FANCG: variants seen among roughly 807,000 people sequenced by gnomAD.
FANCG encodes Fanconi anemia group G protein.
A neutral mutation model predicts 73.3 loss-of-function variants in FANCG; 67 were observed. That is an observed-to-expected ratio of 0.91 (90% CI 0.75 to 1.12). The LOEUF is 1.12. FANCG is among the 50% of genes most tolerant of loss of function. The probability of loss-of-function intolerance (pLI) is 0.00; values close to 1 mark genes in which losing one functional copy is unlikely to be tolerated. For synonymous variants in FANCG, 297 were observed against 311.6 expected, an observed-to-expected ratio of 0.95 and a Z score of 0.49; for missense variants, 643 against 735.6, an observed-to-expected ratio of 0.87 and a Z score of 1.46.
In FANCG at chr9:35,078,264, G is replaced by C. The variant is rs1419629240; in HGVS notation, c.387C>G (p.Ser129=). 2 of 1,614,162 alleles carry C rather than the reference G, an allele frequency of 1.2e-6. No homozygotes were observed. The highest frequency in any genetic ancestry group is 3.3e-5 in the Admixed American group (2 of 60,024). Reference sequence around the variant, plus strand: ...CAGACAGCAGCTCCGGCAGAAGGCAGGAAGCACGAAGGACAGAGTCCCACA... The same window carrying C: ...CAGACAGCAGCTCCGGCAGAAGGCACGAAGCACGAAGGACAGAGTCCCACA... The part of the protein sequence containing the change: ...RELWDSVLRA[S]CLLPELLSAL... Residue 129 remains serine, a synonymous_variant, in exon 4 of 14, where the codon TCC becomes TCG. Coordinates refer to ENST00000378643, the MANE Select transcript of FANCG (RefSeq NM_004629.2).
Position 35,077,074 on chromosome 9 carries a change from G to A in FANCG, c.674C>T (p.Pro225Leu), listed in dbSNP as rs770634563. 6.2e-7 allele frequency: 1 copy of A among 1,614,204 alleles called. No individual in the cohort carries two copies. The highest frequency in any genetic ancestry group is 1.1e-5 in the South Asian group (1 of 91,088). The change falls in exon 6 of 14, where the codon CCA becomes CTA. Residue 225 changes from proline to leucine, a missense_variant. Transcript: ENST00000378643. The part of the protein sequence containing the change: ...QGLQELITGN[P>L]DKALSSLHEA... ...ATGAAGGCTGCTTAGTGCCTTGTCT[G>A]GGTTCCCTGTGATCAGCTCCTGGAG...
intron 12 of FANCG, 80 bp downstream of exon 12, chr9:35,074,846 AC>A: frequency 6.4e-7 from 1 of 1,560,794 alleles, no homozygotes; most frequent in Non-Finnish European, 8.8e-7. Flanking sequence ...CACCACTCTT[AC>A]ACTTACGCCC....
chr9:35,078,694 ACAGT>A lies in FANCG; in HGVS notation c.214_217del (p.Thr72SerfsTer8), dbSNP rs747660501. ...CCTCAGGATAATGAAGTTGCAGGTG[ACAGT>A]CAGCTCCAAGGGAAGAACAGGAACA... On this transcript the variant is annotated frameshift_variant, in exon 3 of 14. Coordinates refer to ENST00000378643, the MANE Select transcript of FANCG (RefSeq NM_004629.2). LOFTEE classifies it high-confidence loss of function. The A allele has an allele frequency of 1.2e-6, 2 of 1,614,182 alleles. No homozygotes were observed. The highest frequency in any genetic ancestry group is 8.5e-7 in the Non-Finnish European group (1 of 1,180,030).
chr9:35,078,862 T>C (rs1247211991), intron 2 of FANCG, 126 bp from the exon 3 acceptor site: 1 of 1,306,222 alleles, frequency 7.7e-7, no homozygotes, highest in East Asian at 2.4e-5. Context: ...CTCCAGCCAA[T>C]TAGCTAAGGA....
At chr9:35,074,860 G>A (rs1297882062) in intron 12 of FANCG, 67 bp downstream of exon 12, 1 of 1,595,018 alleles carries the variant, frequency 6.3e-7, no homozygotes, top group African/African-American at 1.3e-5. Context: ...TTACGCCCAA[G>A]TATTTCCCAT....
rs930687537 is a variant in FANCG, at chr9:35,075,863, C to G, written c.1143+99G>C. ...GTCCTGGGCCCCCAGACTGGACAGACAGAATAGAGGAAAAAACAAAAAATT... is the reference window on the plus strand; with the variant it reads ...GTCCTGGGCCCCCAGACTGGACAGAGAGAATAGAGGAAAAAACAAAAAATT... On this transcript the variant is annotated intron_variant, in intron 9 of 13. Coordinates refer to ENST00000378643, the MANE Select transcript of FANCG (RefSeq NM_004629.2). The G allele has an allele frequency of 1.7e-5, 26 of 1,542,082 alleles. No individual in the cohort carries two copies. The African/African-American group carries it at 2.6e-4, about 15-fold the overall frequency.
In FANCG at chr9:35,073,962, G is replaced by A. The variant is rs577500778; in HGVS notation, c.*146C>T. The A allele has an allele frequency of 2.1e-5, 15 of 726,890 alleles. No individual in the cohort carries two copies. The African/African-American group carries it at 2.3e-4, about 11-fold the overall frequency. The allele number at this position is 726,890 out of a possible 1,614,324, so 45.0% of individuals were successfully genotyped here. A position where few individuals can be genotyped will look rare whatever the true frequency, so the allele number is the denominator to read the frequency against. ...CAAAACGAGAATGGTAGTAACTAGG[G>A]CAAATTTCACAGGCCTACCACCAAT... On this transcript the variant is annotated 3_prime_UTR_variant, in exon 14 of 14. Coordinates refer to ENST00000378643, the MANE Select transcript of FANCG (RefSeq NM_004629.2).
rs1423119580 is a variant in FANCG, at chr9:35,075,762, G to A, written c.1144-8C>T. 2.5e-6 allele frequency: 4 copies of A among 1,571,890 alleles called. No individual in the cohort carries two copies. The Admixed American group carries it at 6.7e-5, about 26-fold the overall frequency. On this transcript the variant is annotated splice_polypyrimidine_tract_variant and splice_region_variant and intron_variant, in intron 9 of 13. Transcript: ENST00000378643. ...GGAGGGGGGTGGGGAGAACTGGAGT[G>A]GGAAGAAGAAGCAGTGTCTTGAAAG...
chr9:35,077,360 A>G lies in FANCG; in HGVS notation c.550T>C (p.Trp184Arg), dbSNP rs756771306. Residue 184 changes from tryptophan to arginine, a missense_variant, in exon 5 of 14, where the codon TGG (tryptophan) becomes CGG (arginine). Trp to Arg is a moderately radical substitution (Grantham distance 101). Coordinates refer to ENST00000378643, the MANE Select transcript of FANCG (RefSeq NM_004629.2). ...TCTAATTCCTCAGCTGGGGGACTCC[A>G]AGTTTTCAGAAGTAACAGCAGATCC... ...SKDLLLLLKTWSPPAEELDAP... is the reference protein window; with the variant it reads ...SKDLLLLLKTRSPPAEELDAP... The G allele has an allele frequency of 1.9e-6, 3 of 1,614,160 alleles. No individual in the cohort carries two copies. The highest frequency in any genetic ancestry group is 2.2e-5 in the East Asian group (1 of 44,878).
At chr9:35,075,225 C>T (rs1829059913) in intron 11 of FANCG, 54 bp downstream of exon 11, 1 of 1,609,404 alleles carries the variant, frequency 6.2e-7, no homozygotes, top group South Asian at 1.1e-5. Flanking sequence ...AGGGAACCCA[C>T]TTCCACCACT....
In FANCG at chr9:35,079,426, C is replaced by T. The variant is rs770764262; in HGVS notation, c.84+15G>A. 56 of 1,613,922 alleles carry T rather than the reference C, an allele frequency of 3.5e-5. No homozygotes were observed. The highest frequency in any genetic ancestry group is 4.7e-5 in the Non-Finnish European group (55 of 1,180,004). On this transcript the variant is annotated intron_variant, in intron 1 of 13. Coordinates refer to ENST00000378643, the MANE Select transcript of FANCG (RefSeq NM_004629.2). ...TCTTGAGGCTGCAAACCGAGGGTGC[C>T]AGCAACCGTGTTACCTTGGCCTGTC...
At chr9:35,074,735 G>A (rs1273045768) in intron 12 of FANCG, 192 bp downstream of exon 12, 1 of 865,870 alleles carries the variant, frequency 1.2e-6, no homozygotes, top group African/African-American at 1.7e-5. Flanking sequence ...GGAAACCAGG[G>A]AACTCTTGGG....
Position 35,075,345 on chromosome 9 carries a change from A to T in FANCG, c.1434-20T>A. On this transcript the variant is annotated intron_variant, in intron 10 of 13. Coordinates refer to ENST00000378643, the MANE Select transcript of FANCG (RefSeq NM_004629.2). Reference sequence around the variant, plus strand: ...AGGCACCTGAAGTAGGACACAGAACAGGGGTGAAGAGGAATCAATTTCAGA... The same window carrying T: ...AGGCACCTGAAGTAGGACACAGAACTGGGGTGAAGAGGAATCAATTTCAGA... The T allele has an allele frequency of 3.7e-6, 6 of 1,614,104 alleles. No homozygotes were observed. The highest frequency in any genetic ancestry group is 5.1e-6 in the Non-Finnish European group (6 of 1,179,970).
intron 12 of FANCG, 167 bp from the exon 13 acceptor site, chr9:35,074,661 C>T: frequency 1.0e-6 from 1 of 966,384 alleles, no homozygotes; most frequent in African/African-American, 1.6e-5. Flanking sequence ...TGTCCATCAT[C>T]TGCCCCCTAC....
At chr9:35,078,483 C>G in intron 3 of FANCG, 122 bp downstream of exon 3, 2 of 1,534,150 alleles carry the variant, frequency 1.3e-6, no homozygotes, top group Non-Finnish European at 1.8e-6. Flanking sequence ...GTCTGAAGAG[C>G]ACAGAGAAGG....
chr9:35,075,548 G>A lies in FANCG; in HGVS notation c.1350C>T (p.Leu450=), dbSNP rs753917194. 6.2e-7 allele frequency: 1 copy of A among 1,614,188 alleles called. No individual in the cohort carries two copies. Among genetic ancestry groups the A allele is most frequent in the Admixed American group, 1.7e-5 (1 of 60,030 alleles). Residue 450 remains leucine, a synonymous_variant, in exon 10 of 14, where the codon CTC becomes CTT. Coordinates refer to ENST00000378643, the MANE Select transcript of FANCG (RefSeq NM_004629.2). The stretch of plus-strand genomic sequence containing the variant: ...GAAGCAGGTGGGTGGCAGAGACCCA[G>A]AGTGGGCAGTATGGCAGTTCCTTGG... ...KGTKELPYCP[L]WVSATHLLQG...
At position 35,074,155 on chromosome 9, in the gene FANCG, A is replaced by G. The variant is rs765086974; in HGVS notation, c.1822T>C (p.Phe608Leu). The G allele has an allele frequency of 3.1e-6, 5 of 1,614,220 alleles. No individual in the cohort carries two copies. Among genetic ancestry groups the G allele is most frequent in the Non-Finnish European group, 4.2e-6 (5 of 1,180,026 alleles). ...SWIRPSDRDA[F>L]LEEFRTSLPK... is the part of the protein sequence containing the mutation. ...AGAGATGTCCGAAATTCTTCAAGGA[A>G]GGCGTCACGATCAGAGGGACGGATC... is the stretch of plus-strand genomic sequence containing the variant. Residue 608 changes from phenylalanine to leucine, a missense_variant, in exon 14 of 14, where the codon TTC becomes CTC. By Grantham distance (22) the Phe-to-Leu change is conservative. Coordinates refer to ENST00000378643, the MANE Select transcript of FANCG (RefSeq NM_004629.2).
chr9:35,078,636 C>T lies in FANCG; in HGVS notation c.276G>A (p.Gln92=), dbSNP rs752352160. Residue 92 remains glutamine (Q), a synonymous_variant, in exon 3 of 14, where the codon CAG becomes CAA. Transcript: ENST00000378643. ...CTAGGCTCCGCTGGATATCCTGGGC[C>T]TGATCCTCTGTGAAACCCTGGGCCA... The part of the protein sequence containing the change: ...ASLAQGFTED[Q]AQDIQRSLER... 1 of 1,614,200 alleles carries T rather than the reference C, an allele frequency of 6.2e-7. No homozygotes were observed. The highest frequency in any genetic ancestry group is 1.1e-5 in the South Asian group (1 of 91,090).
At chr9:35,075,244 C>T in intron 11 of FANCG, 35 bp downstream of exon 11, 3 of 1,613,210 alleles carry the variant, frequency 1.9e-6, no homozygotes, top group Non-Finnish European at 2.5e-6. Flanking sequence ...CTACCACTTC[C>T]AGGAGGTAAG....
Sources: gnomAD v4.1 joint callset for allele counts on GRCh38, gnomAD v4.1.1 for gene constraint, MANE v1.5 for transcripts, NCBI Gene and HGNC (gene_info 2026-07-23, HGNC 2026-07-21) for gene names.